The following SNAP29 variants were observed in gnomAD, a reference collection of about 807,000 sequenced individuals.
The protein encoded by SNAP29 is synaptosomal-associated protein 29.
A neutral mutation model predicts 27.9 loss-of-function variants in SNAP29; 13 were observed. The ratio of observed to expected loss-of-function variants is 0.47; its 90% confidence interval spans 0.30 to 0.74. The LOEUF (loss-of-function observed/expected upper bound fraction) is 0.74, where lower values mean the gene tolerates loss of function less well. SNAP29 is among the 30% of genes least tolerant of loss of function. The probability of loss-of-function intolerance (pLI) is 0.06; values close to 1 mark genes in which losing one functional copy is unlikely to be tolerated. For synonymous variants in SNAP29, 119 were observed against 127.1 expected (o/e 0.94, Z 0.43); for missense variants, 368 against 336.5 (o/e 1.09, Z -0.73).
chr22:20,883,692 C>T (rs1928945764), intron 4 of SNAP29, 123 bp downstream of exon 4: 1 of 731,944 alleles, frequency 1.4e-6, no homozygotes, highest in South Asian at 1.4e-5. Flanking sequence ...CATCCCACGC[C>T]AAGCTGGGTC....
At chr22:20,862,065 C>G (rs540162328) in intron 1 of SNAP29, among the ~76,000 whole-genome samples, 1 of 152,192 alleles carries the variant, frequency 6.6e-6, no homozygotes, top group Non-Finnish European at 1.5e-5. Flanking sequence ...CCACTGCGCC[C>G]GGTCCTAACC....
Position 20,890,265 on chromosome 22 carries a change from C to G in SNAP29, c.*2429C>G, listed in dbSNP as rs1332055578. 1 of 398,202 alleles carries G rather than the reference C, an allele frequency of 2.5e-6. No individual in the cohort carries two copies. The highest frequency in any genetic ancestry group is 1.3e-4 in the South Asian group (1 of 7,852). 24.7% of individuals were successfully genotyped at this position (398,202 alleles called of 1,614,324 possible). On this transcript the variant is annotated 3_prime_UTR_variant, in exon 5 of 5. Transcript: ENST00000215730. ...AAACTTTTCACATGATGATTGGGAT[C>G]GACAAAAAAATGCTACCCTCTAGAC...
At chr22:20,880,887 C>G (rs1252393956) in intron 2 of SNAP29, among the ~76,000 whole-genome samples, 162 bp from the exon 3 acceptor site, 1 of 152,112 alleles carries the variant, frequency 6.6e-6, no homozygotes, top group African/African-American at 2.4e-5. Flanking sequence ...CCACTGTGCT[C>G]CTGGGAGAAG....
intron 2 of SNAP29, 106 bp downstream of exon 2, chr22:20,870,639 C>G (rs973775429): frequency 1.3e-5 from 13 of 1,018,620 alleles, no homozygotes; most frequent in East Asian, 7.8e-5. Context: ...ATCCAACAAC[C>G]CTTTAAGTTA....
intron 1 of SNAP29, 136 bp from the exon 2 acceptor site, chr22:20,870,201 G>A (rs1050719498): frequency 5.4e-6 from 4 of 744,620 alleles, no homozygotes; most frequent in Non-Finnish European, 9.6e-6. Flanking sequence ...AGGGTAGTGT[G>A]CCCCTCACAG....
At chr22:20,863,037 G>A (rs576130407) in intron 1 of SNAP29, among the ~76,000 whole-genome samples, 3 of 152,258 alleles carry the variant, frequency 2.0e-5, no homozygotes, top group East Asian at 1.9e-4. Context: ...ACAGGTGCAC[G>A]CCACCACACT....
At chr22:20,873,437 G>A (rs1928644727) in intron 2 of SNAP29, among the ~76,000 whole-genome samples, 1 of 152,092 alleles carries the variant, frequency 6.6e-6, no homozygotes. Flanking sequence ...GTAGGGTGTG[G>A]CAGGGAGGAA....
At chr22:20,876,156 C>CAAAAAA (rs1022119689) in intron 2 of SNAP29, among the ~76,000 whole-genome samples, 1 of 110,706 alleles carries the variant, frequency 9.0e-6, no homozygotes, top group African/African-American at 3.4e-5. Context: ...GACTCCATCT[C>CAAAAAA]AAAAAAAAAA....
chr22:20,887,957 T>C lies in SNAP29; in HGVS notation c.*121T>C. 2 of 1,006,414 alleles carry C rather than the reference T, an allele frequency of 2.0e-6. No individual in the cohort carries two copies. Among genetic ancestry groups the C allele is most frequent in the Non-Finnish European group, 3.0e-6 (2 of 660,896 alleles). The allele number at this position is 1,006,414 out of a possible 1,614,324, so 62.3% of individuals were successfully genotyped here. On this transcript the variant is annotated 3_prime_UTR_variant, in exon 5 of 5. Coordinates refer to ENST00000215730, the MANE Select transcript of SNAP29 (RefSeq NM_004782.4). Reference sequence around the variant, plus strand: ...TAATGTGTGTTTGCAAATGTTATAATAGAGTAGGTCTTAAGACATTTTTGC... The same window carrying C: ...TAATGTGTGTTTGCAAATGTTATAACAGAGTAGGTCTTAAGACATTTTTGC...
At chr22:20,880,989 C>T (rs1178523488) in intron 2 of SNAP29, 60 bp from the exon 3 acceptor site, 20 of 1,091,422 alleles carry the variant, frequency 1.8e-5, no homozygotes, top group Non-Finnish European at 2.0e-5. Flanking sequence ...AGACTGATAA[C>T]ATTGTCATAG....
intron 1 of SNAP29, chr22:20,859,643 G>A (rs959850956): frequency 2.1e-6 from 1 of 474,068 alleles, no homozygotes; most frequent in Non-Finnish European, 3.8e-6. Flanking sequence ...CTGTCCAGGT[G>A]AGTAAAAATT....
chr22:20,859,262 G>C lies in SNAP29; in HGVS notation c.152G>C (p.Arg51Pro). ...RQQYLRQEVL[R>P]RAEATAASTS... is the part of the protein sequence containing the mutation. ...CAGTACTTGCGGCAGGAGGTCCTCC[G>C]CAGGGCTGAGGCCACGGCCGCCAGC... The change falls in exon 1 of 5, where the codon CGC becomes CCC. Residue 51 changes from arginine (R) to proline (P), a missense_variant. Physicochemically the swap from Arg to Pro is moderately radical, Grantham distance 103. Coordinates refer to ENST00000215730, the MANE Select transcript of SNAP29 (RefSeq NM_004782.4). The C allele has an allele frequency of 6.2e-7, 1 of 1,606,348 alleles. No individual in the cohort carries two copies.
chr22:20,872,203 T>C (rs943837344), intron 2 of SNAP29, among the ~76,000 whole-genome samples: 1 of 150,990 alleles, frequency 6.6e-6, no homozygotes, highest in Non-Finnish European at 1.5e-5. Context: ...TCCATAACCA[T>C]CTCTCTCTCT....
intron 3 of SNAP29, among the ~76,000 whole-genome samples, chr22:20,882,117 T>A (rs1022350966): frequency 6.6e-6 from 1 of 151,754 alleles, no homozygotes; most frequent in African/African-American, 2.4e-5. Flanking sequence ...AGGCGAGGAA[T>A]TAGATTCTTC....
intron 2 of SNAP29, among the ~76,000 whole-genome samples, chr22:20,872,216 CTT>C (rs71746346): frequency 0.029 from 4,376 of 151,726 alleles, 202 homozygotes; most frequent in African/African-American, 0.099. Flanking sequence ...CTCTCTCTCT[CTT>C]TTATTTATTT....
chr22:20,885,044 G>A (rs1254536160), intron 4 of SNAP29, among the ~76,000 whole-genome samples: 2 of 152,144 alleles, frequency 1.3e-5, no homozygotes, highest in Non-Finnish European at 2.9e-5. Flanking sequence ...CAAAGTGCTG[G>A]GATTATAGGT....
chr22:20,871,482 TAAAAA>T (rs58294079), intron 2 of SNAP29, among the ~76,000 whole-genome samples: 136 of 64,152 alleles, frequency 2.1e-3, no homozygotes, highest in African/African-American at 8.2e-3. Context: ...TCCCTGTCTC[TAAAAA>T]AAAAAAAAAA....
chr22:20,873,993 A>G (rs971834712), intron 2 of SNAP29, among the ~76,000 whole-genome samples: 1 of 125,238 alleles, frequency 8.0e-6, no homozygotes, highest in Non-Finnish European at 1.7e-5. Flanking sequence ...AAAAAAAAAA[A>G]GGCCGGGCAT....
At position 20,883,539 on chromosome 22, in the gene SNAP29, G is replaced by C; in HGVS notation, c.589G>C (p.Ala197Pro). The part of the protein sequence containing the change: ...DAYPKNPHLR[A>P]YHQKIDSNLD... Reference sequence around the variant, plus strand: ...TTACCCAAAGAACCCACACCTTCGAGCCTATCACCAGAAGATCGACAGCAA... The same window carrying C: ...TTACCCAAAGAACCCACACCTTCGACCCTATCACCAGAAGATCGACAGCAA... The change falls in exon 4 of 5, where the codon GCC becomes CCC. Residue 197 changes from alanine to proline, a missense_variant. Coordinates refer to ENST00000215730, the MANE Select transcript of SNAP29 (RefSeq NM_004782.4). 6.2e-7 allele frequency: 1 copy of C among 1,613,376 alleles called. No individual in the cohort carries two copies. The highest frequency in any genetic ancestry group is 1.1e-5 in the South Asian group (1 of 91,066).
Sources: allele counts gnomAD v4.1 joint callset (sites outside exome capture counted in the v4.1 genomes callset), GRCh38; gene constraint gnomAD v4.1.1; transcripts MANE v1.5; gene names NCBI Gene and HGNC (gene_info 2026-07-23, HGNC 2026-07-21).